EPHA5: variants seen among roughly 807,000 people sequenced by gnomAD.
The protein encoded by EPHA5 is ephrin type-A receptor 5.
Under a neutral mutation model 105.0 loss-of-function variants are expected in EPHA5, and 60 were observed. The ratio of observed to expected loss-of-function variants is 0.57; its 90% CI spans 0.46 to 0.71. The LOEUF is 0.71. EPHA5 is among the 30% of genes least tolerant of loss of function. The pLI is 0.00. For synonymous variants in EPHA5, 513 were observed against 449.1 expected, an observed-to-expected ratio of 1.14 and a Z score of -1.80; for missense variants, 1,218 against 1,274.7, an observed-to-expected ratio of 0.96 and a Z score of 0.68.
chr4:65,395,779 C>T (rs967815911), intron 8 of EPHA5, among the ~76,000 whole-genome samples: 2 of 152,142 alleles, frequency 1.3e-5, no homozygotes, highest in African/African-American at 4.8e-5. Flanking sequence ...AGGCATTAAG[C>T]CATTTCTCAA....
chr4:65,629,102 G>C (rs754741964), intron 2 of EPHA5, among the ~76,000 whole-genome samples: 3 of 152,124 alleles, frequency 2.0e-5, no homozygotes, highest in Non-Finnish European at 2.9e-5. Context: ...ATAACATTTG[G>C]AAGTGTTAAA....
intron 5 of EPHA5, among the ~76,000 whole-genome samples, chr4:65,446,448 A>C (rs1177968671): frequency 1.3e-5 from 2 of 152,212 alleles, no homozygotes; most frequent in Non-Finnish European, 2.9e-5. Flanking sequence ...TGAAAGCCAC[A>C]AGCATTATTC....
At chr4:65,346,907 T>C (rs1722277160) in intron 14 of EPHA5, among the ~76,000 whole-genome samples, 1 of 152,190 alleles carries the variant, frequency 6.6e-6, no homozygotes, top group Admixed American at 6.5e-5. Flanking sequence ...AATCCTGATA[T>C]AGACTTTGGC....
chr4:65,488,025 G>A (rs1031697717), intron 5 of EPHA5, among the ~76,000 whole-genome samples: 21 of 152,266 alleles, frequency 1.4e-4, no homozygotes, highest in Middle Eastern at 3.4e-3. Context: ...AAATGTTACA[G>A]TGTATACAGT....
intron 3 of EPHA5, among the ~76,000 whole-genome samples, chr4:65,584,952 T>C (rs1741973233): frequency 6.6e-6 from 1 of 151,932 alleles, no homozygotes; most frequent in South Asian, 2.1e-4. Context: ...AGAGAGGAAA[T>C]GCTGTTCTCT....
chr4:65,428,313 T>G (rs947399734), intron 5 of EPHA5, among the ~76,000 whole-genome samples: 2 of 152,146 alleles, frequency 1.3e-5, no homozygotes, highest in African/African-American at 4.8e-5. Flanking sequence ...TAACATAAAT[T>G]TTATATACTT....
In EPHA5 at chr4:65,414,223, AC is replaced by A. The variant is rs964490632; in HGVS notation, c.1687+60del. On this transcript the variant is annotated intron_variant, in intron 7 of 16. Coordinates refer to ENST00000613740, the MANE Select transcript of EPHA5 (RefSeq NM_001281766.3). ...GAGTGCCCAGGGAGGGTATTGATCC[AC>A]TGACTCTTTTCTGGTAACCATTACT... 18 of 1,496,224 alleles carry A rather than the reference AC, an allele frequency of 1.2e-5. No individual in the cohort carries two copies. In the African/African-American group the frequency reaches 2.5e-4, roughly 21 times the overall value. The allele number at this position is 1,496,224 out of a possible 1,614,324, so 92.7% of individuals were successfully genotyped here.
chr4:65,429,672 G>A (rs1724792188), intron 5 of EPHA5, among the ~76,000 whole-genome samples: 1 of 151,804 alleles, frequency 6.6e-6, no homozygotes, highest in Non-Finnish European at 1.5e-5. Context: ...TAATTCACTA[G>A]GAATTGTGAT....
chr4:65,380,517 C>A (rs1253924518), intron 8 of EPHA5, among the ~76,000 whole-genome samples: 1 of 151,558 alleles, frequency 6.6e-6, no homozygotes, highest in African/African-American at 2.4e-5. Flanking sequence ...AGCAAGACTG[C>A]AGGCTATGGA....
At position 65,322,772 on chromosome 4, in the gene EPHA5, A is replaced by G; in HGVS notation, c.*1342T>C. The G allele has an allele frequency of 4.4e-6, 1 of 227,764 alleles. No individual in the cohort carries two copies. Among genetic ancestry groups the G allele is most frequent in the Non-Finnish European group, 8.7e-6 (1 of 114,474 alleles). 14.1% of individuals were successfully genotyped at this position (227,764 alleles called of 1,614,324 possible). ...AAATGAATAAACATCCATTAAAAATAAAACTTATCAATTATTGAAATAAAA... is the reference window on the plus strand; with the variant it reads ...AAATGAATAAACATCCATTAAAAATGAAACTTATCAATTATTGAAATAAAA... On this transcript the variant is annotated 3_prime_UTR_variant, in exon 17 of 17. Transcript: ENST00000613740.
intron 5 of EPHA5, among the ~76,000 whole-genome samples, chr4:65,461,759 G>A (rs1229297383): frequency 6.6e-6 from 1 of 151,626 alleles, no homozygotes; most frequent in East Asian, 1.9e-4. Flanking sequence ...TACAAAAATG[G>A]GGCACATTTG....
At chr4:65,437,669 A>G in intron 5 of EPHA5, among the ~76,000 whole-genome samples, 1 of 151,994 alleles carries the variant, frequency 6.6e-6, no homozygotes, top group African/African-American at 2.4e-5. Context: ...ACTGGATTGC[A>G]TATTGGATTC....
At chr4:65,647,204 CTGT>C (rs1355826853) in intron 1 of EPHA5, among the ~76,000 whole-genome samples, 1 of 151,464 alleles carries the variant, frequency 6.6e-6, no homozygotes, top group African/African-American at 2.4e-5. Flanking sequence ...TGGTGGGTGC[CTGT>C]TGTCCCAGCT....
intron 3 of EPHA5, among the ~76,000 whole-genome samples, chr4:65,521,307 A>G (rs1734688166): frequency 1.3e-5 from 2 of 152,140 alleles, no homozygotes; most frequent in Admixed American, 1.3e-4. Flanking sequence ...TCTCACTCAT[A>G]GGTGGGAATT....
intron 3 of EPHA5, among the ~76,000 whole-genome samples, chr4:65,586,576 T>G (rs910114943): frequency 3.6e-4 from 54 of 151,928 alleles, no homozygotes; most frequent in Non-Finnish European, 6.8e-4. Context: ...TTCCAGTAAT[T>G]AAGCTTTATC....
chr4:65,364,320 G>C (rs1717637868), intron 11 of EPHA5, among the ~76,000 whole-genome samples: 2 of 151,516 alleles, frequency 1.3e-5, no homozygotes, highest in South Asian at 4.1e-4. Flanking sequence ...TGAATACAAA[G>C]AAAATGAAGG....
chr4:65,328,857 T>C (rs1211723348), intron 16 of EPHA5, among the ~76,000 whole-genome samples: 1 of 151,178 alleles, frequency 6.6e-6, no homozygotes, highest in Admixed American at 6.6e-5. Flanking sequence ...TAATGATTTA[T>C]TGATAAGTTA....
rs758918121 is a variant in EPHA5, at chr4:65,490,447, C to T, written c.1332G>A (p.Val444=). Residue 444 remains valine, a synonymous_variant, in exon 5 of 17, where the codon GTG becomes GTA. Transcript: ENST00000613740. The part of the protein sequence containing the change: ...HTNYTFEIEA[V]NGVSDLSPGA... ...CTGGGCTCAAGTCGGACACTCCATTCACTGCCTCAATCTCAAAGGTATAGT... is the reference window on the plus strand; with the variant it reads ...CTGGGCTCAAGTCGGACACTCCATTTACTGCCTCAATCTCAAAGGTATAGT... 20 of 1,614,162 alleles carry T rather than the reference C, an allele frequency of 1.2e-5. No individual in the cohort carries two copies. Among genetic ancestry groups the T allele is most frequent in the Middle Eastern group, 1.7e-4 (1 of 6,060 alleles).
chr4:65,502,564 G>A (rs1022757559), intron 3 of EPHA5, among the ~76,000 whole-genome samples: 3 of 151,870 alleles, frequency 2.0e-5, no homozygotes, highest in Non-Finnish European at 4.4e-5. Context: ...TCTCACAATA[G>A]TCACTATGGT....
Sources: allele counts gnomAD v4.1 joint callset (sites outside exome capture counted in the v4.1 genomes callset), GRCh38; gene constraint gnomAD v4.1.1; transcripts MANE v1.5; gene names NCBI Gene and HGNC (gene_info 2026-07-23, HGNC 2026-07-21).